Variants in DSCAM observed in about 807,000 individuals in gnomAD.
DSCAM encodes DS cell adhesion molecule, also known as cell adhesion molecule DSCAM.
In DSCAM, 47 loss-of-function variants were observed where a neutral mutation model predicts 217.7. The observed-to-expected ratio is 0.22, with a 90% CI of 0.17 to 0.28. DSCAM has a LOEUF of 0.28. Among genes scored for constraint, DSCAM ranks in the 10% least tolerant of loss-of-function variants. The probability of loss-of-function intolerance (pLI) is 1.00; values close to 1 mark genes in which losing one functional copy is unlikely to be tolerated. For synonymous variants in DSCAM, 1,056 were observed against 1,015.3 expected (o/e 1.04, Z -0.76); for missense variants, 2,080 against 2,618.3 (o/e 0.79, Z 4.49).
At chr21:40,053,877 C>T (rs566758712) in intron 29 of DSCAM, among the ~76,000 whole-genome samples, 287 of 152,254 alleles carry the variant, frequency 1.9e-3, no homozygotes, top group Admixed American at 2.9e-3. Context: ...ATTTTCATAG[C>T]CATATGTAGG....
chr21:40,503,059 A>C (rs1290562085), intron 3 of DSCAM, among the ~76,000 whole-genome samples: 2 of 152,182 alleles, frequency 1.3e-5, no homozygotes, highest in African/African-American at 2.4e-5. Context: ...CTTTAAGGAA[A>C]TATCTGCTAC....
intron 1 of DSCAM, among the ~76,000 whole-genome samples, chr21:40,810,392 T>C (rs981103287): frequency 3.9e-5 from 6 of 152,310 alleles, no homozygotes; most frequent in Admixed American, 2.0e-4. Flanking sequence ...TAAAAAGAGA[T>C]GAATTTATTA....
At chr21:40,699,691 T>C (rs2090635065) in intron 2 of DSCAM, among the ~76,000 whole-genome samples, 1 of 152,176 alleles carries the variant, frequency 6.6e-6, no homozygotes, top group Admixed American at 6.5e-5. Flanking sequence ...TAAATCAAAC[T>C]AAGTCCTTAG....
At chr21:40,747,809 CA>C (rs2091190106) in intron 1 of DSCAM, among the ~76,000 whole-genome samples, 1 of 151,568 alleles carries the variant, frequency 6.6e-6, no homozygotes, top group Non-Finnish European at 1.5e-5. Flanking sequence ...AATACAGATG[CA>C]AAAAATCCTC....
At chr21:40,198,763 G>A (rs1006628834) in intron 11 of DSCAM, among the ~76,000 whole-genome samples, 1 of 152,218 alleles carries the variant, frequency 6.6e-6, no homozygotes, top group Non-Finnish European at 1.5e-5. Context: ...GTGGGAGGTG[G>A]GATGACATGG....
chr21:40,578,437 CTGTAAAA>C (rs1369371033), intron 3 of DSCAM, among the ~76,000 whole-genome samples: 2 of 40,762 alleles, frequency 4.9e-5, no homozygotes, highest in Non-Finnish European at 1.2e-4. Flanking sequence ...AATCAGCACT[CTGTAAAA>C]CAGACCAATC....
chr21:40,394,025 A>G (rs1437359305), intron 3 of DSCAM, among the ~76,000 whole-genome samples: 1 of 152,198 alleles, frequency 6.6e-6, no homozygotes, highest in Non-Finnish European at 1.5e-5. Context: ...AGTTCTCTCA[A>G]GGAAAGTTTC....
At chr21:40,169,844 T>C (rs960403429) in intron 15 of DSCAM, among the ~76,000 whole-genome samples, 2 of 152,120 alleles carry the variant, frequency 1.3e-5, no homozygotes, top group African/African-American at 2.4e-5. Context: ...CTGATCCAAA[T>C]GGCCCCTGTC....
chr21:40,525,440 C>T (rs1167421034), intron 3 of DSCAM, among the ~76,000 whole-genome samples: 2 of 152,106 alleles, frequency 1.3e-5, no homozygotes, highest in Non-Finnish European at 2.9e-5. Context: ...AGCTACACCA[C>T]GGGGGTTCAT....
At chr21:40,079,860 G>A (rs1036880486) in intron 25 of DSCAM, among the ~76,000 whole-genome samples, 2 of 152,146 alleles carry the variant, frequency 1.3e-5, no homozygotes, top group Non-Finnish European at 2.9e-5. Flanking sequence ...GAGGGCAAGC[G>A]CCACGCTTCA....
chr21:40,413,964 A>G (rs1381662372), intron 3 of DSCAM, among the ~76,000 whole-genome samples: 1 of 152,228 alleles, frequency 6.6e-6, no homozygotes, highest in Non-Finnish European at 1.5e-5. Flanking sequence ...CAAACCATAT[A>G]CAGAACTTAA....
At chr21:40,727,038 C>A (rs868466460) in intron 1 of DSCAM, among the ~76,000 whole-genome samples, 7 of 152,134 alleles carry the variant, frequency 4.6e-5, no homozygotes, top group African/African-American at 1.7e-4. Context: ...TGGAGGAAAT[C>A]AATATATCAT....
At chr21:40,843,896 T>C (rs896743775) in intron 1 of DSCAM, among the ~76,000 whole-genome samples, 1 of 151,934 alleles carries the variant, frequency 6.6e-6, no homozygotes, top group African/African-American at 2.4e-5. Flanking sequence ...AAAAATATTG[T>C]TGTCTACTGT....
chr21:40,352,869 T>C (rs2074647908), intron 5 of DSCAM, among the ~76,000 whole-genome samples: 1 of 152,150 alleles, frequency 6.6e-6, no homozygotes, highest in Non-Finnish European at 1.5e-5. Context: ...TCAGTATCCT[T>C]CTGAACACAT....
Position 40,070,254 on chromosome 21 carries a change from G to A in DSCAM, c.4888+4783C>T, listed in dbSNP as rs1016876868. Among the ~76,000 whole-genome samples the A allele has an allele frequency of 1.5e-3, 215 of 141,760 alleles. 1 individual carries two copies. Among genetic ancestry groups the A allele is most frequent in the Non-Finnish European group, 2.5e-3 (159 of 64,520 alleles). The allele number at this position is 141,760 out of a possible 152,430, so 93.0% of individuals were successfully genotyped here. A position where few individuals can be genotyped will look rare whatever the true frequency, so the allele number is the denominator to read the frequency against. On this transcript the variant is annotated intron_variant, in intron 27 of 32. Transcript: ENST00000400454. ...AAAGGAAGGAAGGAAGGTAGGGAAG[G>A]AGGGAGGGAGGGAGGGAGTGAAGGA... is the stretch of plus-strand genomic sequence containing the variant.
chr21:40,536,006 T>C (rs2076493072), intron 3 of DSCAM, among the ~76,000 whole-genome samples: 1 of 152,216 alleles, frequency 6.6e-6, no homozygotes, highest in Admixed American at 6.5e-5. Flanking sequence ...AAGAAGCCCC[T>C]ACAAGGACAC....
chr21:40,191,218 G>A lies in DSCAM; in HGVS notation c.2357-1980C>T, dbSNP rs114961595. Among the ~76,000 whole-genome samples, 528 of 152,270 alleles carry A rather than the reference G, an allele frequency of 3.5e-3. 6 individuals carry two copies. Among genetic ancestry groups the A allele is most frequent in the African/African-American group, 0.012 (510 of 41,556 alleles). ...ATAATGAAACGTCAAAATACTACCAGTTCCGTAGCCTGAACACCCACAGAA... is the reference window on the plus strand; with the variant it reads ...ATAATGAAACGTCAAAATACTACCAATTCCGTAGCCTGAACACCCACAGAA... On this transcript the variant is annotated intron_variant, in intron 11 of 32. Coordinates refer to ENST00000400454, the MANE Select transcript of DSCAM (RefSeq NM_001389.5).
At chr21:40,755,505 T>C (rs1238501082) in intron 1 of DSCAM, among the ~76,000 whole-genome samples, 2 of 152,080 alleles carry the variant, frequency 1.3e-5, no homozygotes. Context: ...GCCTGGATTC[T>C]TGAGAGGAAT....
At chr21:40,787,438 T>G (rs1019559778) in intron 1 of DSCAM, among the ~76,000 whole-genome samples, 1 of 152,196 alleles carries the variant, frequency 6.6e-6, no homozygotes, top group Non-Finnish European at 1.5e-5. Context: ...CTTCCTCATA[T>G]CAGGCCCCTG....
Sources: allele counts gnomAD v4.1 joint callset (sites outside exome capture counted in the v4.1 genomes callset), GRCh38; gene constraint gnomAD v4.1.1; transcripts MANE v1.5; gene names NCBI Gene and HGNC (gene_info 2026-07-23, HGNC 2026-07-21).